GAB2: variants seen among roughly 807,000 people sequenced by gnomAD.
GAB2 encodes GRB2-associated-binding protein 2.
A neutral mutation model predicts 65.5 loss-of-function variants in GAB2; 26 were observed. The ratio of observed to expected loss-of-function variants is 0.40; its 90% confidence interval spans 0.29 to 0.55. The LOEUF (loss-of-function observed/expected upper bound fraction) is 0.55. GAB2 is among the 20% of genes least tolerant of loss of function. The pLI is 0.53. For synonymous variants in GAB2, 321 were observed against 329.6 expected (o/e 0.97, Z 0.28); for missense variants, 884 against 875.8 (o/e 1.01, Z -0.12).
At chr11:78,268,927 C>T (rs71471407) in intron 2 of GAB2, among the ~76,000 whole-genome samples, 3,741 of 152,050 alleles carry the variant, frequency 0.025, 74 homozygotes, top group Non-Finnish European at 0.038. Context: ...TCTGAACTCA[C>T]GGCCTGTTCT....
intron 1 of GAB2, among the ~76,000 whole-genome samples, chr11:78,377,138 A>G (rs1334943889): frequency 1.3e-5 from 2 of 152,122 alleles, no homozygotes; most frequent in African/African-American, 4.8e-5. Context: ...AGAACTGTAA[A>G]CCAATTAAAT....
intron 1 of GAB2, among the ~76,000 whole-genome samples, chr11:78,345,716 G>A (rs1013537568): frequency 2.0e-5 from 3 of 152,174 alleles, no homozygotes; most frequent in African/African-American, 4.8e-5. Context: ...AGAATTTTTA[G>A]TAGGCAAAAA....
At chr11:78,221,587 G>T in intron 8 of GAB2, 90 bp downstream of exon 8, 1 of 702,510 alleles carries the variant, frequency 1.4e-6, no homozygotes, top group Non-Finnish European at 2.5e-6. Context: ...CTGGGCTGAG[G>T]TGAGTTAGCT....
intron 1 of GAB2, among the ~76,000 whole-genome samples, chr11:78,349,344 T>C (rs910247361): frequency 5.3e-5 from 8 of 152,320 alleles, no homozygotes; most frequent in African/African-American, 1.9e-4. Flanking sequence ...CATTTGATTA[T>C]TAATGAGGTG....
intron 1 of GAB2, among the ~76,000 whole-genome samples, chr11:78,308,620 C>T (rs1347042303): frequency 6.6e-6 from 1 of 151,998 alleles, no homozygotes; most frequent in African/African-American, 2.4e-5. Flanking sequence ...GAGAAGGAAG[C>T]GAGTATAAAA....
At chr11:78,353,574 G>GATAAT (rs1330804279) in intron 1 of GAB2, among the ~76,000 whole-genome samples, 1 of 152,176 alleles carries the variant, frequency 6.6e-6, no homozygotes, top group African/African-American at 2.4e-5. Flanking sequence ...AACTTCCTGT[G>GATAAT]ATAATAGAAA....
At chr11:78,366,740 A>G (rs1409317003) in intron 1 of GAB2, among the ~76,000 whole-genome samples, 2 of 148,578 alleles carry the variant, frequency 1.3e-5, no homozygotes, top group South Asian at 2.1e-4. Flanking sequence ...CCTATCCCCA[A>G]TTACATTCTA....
intron 3 of GAB2, among the ~76,000 whole-genome samples, chr11:78,229,546 A>T (rs563812638): frequency 6.6e-6 from 1 of 152,246 alleles, no homozygotes; most frequent in African/African-American, 2.4e-5. Flanking sequence ...GGCAACAGTT[A>T]CTCAAGCCAG....
intron 1 of GAB2, among the ~76,000 whole-genome samples, chr11:78,370,994 C>G (rs1856564874): frequency 6.6e-6 from 1 of 152,146 alleles, no homozygotes; most frequent in South Asian, 2.1e-4. Context: ...TGCTGTAGTT[C>G]TCTCCACAAT....
chr11:78,377,123 C>G (rs1309662826), intron 1 of GAB2, among the ~76,000 whole-genome samples: 1 of 152,200 alleles, frequency 6.6e-6, no homozygotes, highest in Admixed American at 6.5e-5. Context: ...TCTGGTAAAG[C>G]CTGCAGAACT....
At chr11:78,245,904 A>G (rs1354521748) in intron 3 of GAB2, among the ~76,000 whole-genome samples, 1 of 151,858 alleles carries the variant, frequency 6.6e-6, no homozygotes, top group Non-Finnish European at 1.5e-5. Context: ...CTTTTGCCGA[A>G]TATAAACTCC....
At chr11:78,281,464 C>T (rs1373746646) in intron 1 of GAB2, among the ~76,000 whole-genome samples, 1 of 152,086 alleles carries the variant, frequency 6.6e-6, no homozygotes, top group Non-Finnish European at 1.5e-5. Context: ...AGGCGGGTCT[C>T]GAACTCCCAA....
intron 1 of GAB2, among the ~76,000 whole-genome samples, chr11:78,333,496 G>A (rs929028771): frequency 1.3e-5 from 2 of 152,060 alleles, no homozygotes; most frequent in East Asian, 1.9e-4. Context: ...TCAAACTCCC[G>A]GCCTCAAGAG....
In GAB2 at chr11:78,364,769, T is replaced by C. The variant is rs1194130579; in HGVS notation, c.75+52877A>G. Among the ~76,000 whole-genome samples, 3 of 152,192 alleles carry C rather than the reference T, an allele frequency of 2.0e-5. No individual in the cohort carries two copies. In the East Asian group the frequency reaches 5.8e-4, roughly 29 times the overall value. ...AACCAGGGATTTTATCAAACTTTCC[T>C]GAGAAATTTTCCCCAAACTATACAT... On this transcript the variant is annotated intron_variant, in intron 1 of 9. Coordinates refer to ENST00000361507, the MANE Select transcript of GAB2 (RefSeq NM_080491.3).
chr11:78,392,241 C>G (rs1019095916), intron 1 of GAB2: 7 of 125,372 alleles, frequency 5.6e-5, no homozygotes, highest in Non-Finnish European at 1.0e-4. Flanking sequence ...CCTTCTCGAA[C>G]AAAAAAAAAA....
intron 1 of GAB2, among the ~76,000 whole-genome samples, chr11:78,367,364 G>GT (rs1365572373): frequency 2.0e-5 from 3 of 152,222 alleles, no homozygotes; most frequent in Admixed American, 1.3e-4. Context: ...GTGTGTGCAT[G>GT]TATGTGTGCG....
chr11:78,330,128 G>C (rs562051287), intron 1 of GAB2, among the ~76,000 whole-genome samples: 174 of 152,258 alleles, frequency 1.1e-3, no homozygotes, highest in African/African-American at 4.0e-3. Context: ...CCATACCCGA[G>C]ACCACAGCTA....
At chr11:78,383,581 CAA>C (rs534814220) in intron 1 of GAB2, among the ~76,000 whole-genome samples, 13 of 55,544 alleles carry the variant, frequency 2.3e-4, no homozygotes, top group East Asian at 5.9e-4. Flanking sequence ...CCTGTCTCTC[CAA>C]AAAAAAAAAA....
intron 2 of GAB2, among the ~76,000 whole-genome samples, chr11:78,257,713 G>T (rs1865629679): frequency 6.6e-6 from 1 of 152,106 alleles, no homozygotes; most frequent in South Asian, 2.1e-4. Flanking sequence ...GAATTAATGA[G>T]AACCAAAAGG....
Sources: allele counts gnomAD v4.1 joint callset (sites outside exome capture counted in the v4.1 genomes callset), GRCh38; gene constraint gnomAD v4.1.1; transcripts MANE v1.5; gene names NCBI Gene and HGNC (gene_info 2026-07-23, HGNC 2026-07-21).